Variants in EPHA6 observed in about 807,000 individuals in gnomAD.
EPHA6 encodes the protein EPH receptor A6.
Under a neutral mutation model 112.0 loss-of-function variants are expected in EPHA6, and 50 were observed. The observed-to-expected ratio is 0.45, with a 90% CI of 0.36 to 0.56. The LOEUF (loss-of-function observed/expected upper bound fraction) is 0.56, where lower values mean the gene tolerates loss of function less well. Ranked by LOEUF, EPHA6 falls within the 20% of genes least tolerant of loss-of-function variation. The probability of loss-of-function intolerance (pLI) is 0.00; values close to 1 mark genes in which losing one functional copy is unlikely to be tolerated. For missense variants in EPHA6, 1,280 were observed against 1,417.4 expected, an observed-to-expected ratio of 0.90 and a Z score of 1.56; for synonymous variants, 529 against 490.7, an observed-to-expected ratio of 1.08 and a Z score of -1.03.
At chr3:97,133,490 CACAA>C (rs765807007) in intron 3 of EPHA6, among the ~76,000 whole-genome samples, 3 of 151,876 alleles carry the variant, frequency 2.0e-5, no homozygotes, top group African/African-American at 7.2e-5. Flanking sequence ...GTACAGTTGA[CACAA>C]ACATTTAGAA....
At chr3:97,275,811 C>T (rs918682733) in intron 5 of EPHA6, among the ~76,000 whole-genome samples, 2 of 151,488 alleles carry the variant, frequency 1.3e-5, no homozygotes, top group Non-Finnish European at 2.9e-5. Flanking sequence ...GTAGAGGTAT[C>T]CCATACTGGT....
intron 3 of EPHA6, among the ~76,000 whole-genome samples, chr3:97,067,864 C>T (rs2046227396): frequency 6.6e-6 from 1 of 151,850 alleles, no homozygotes; most frequent in Non-Finnish European, 1.5e-5. Flanking sequence ...AGGGATAGGC[C>T]AGGCATGGTG....
rs913465594 is a variant in EPHA6, at chr3:97,720,243, C to T, written c.2785-18C>T. The T allele has an allele frequency of 6.4e-7, 1 of 1,555,650 alleles. No individual in the cohort carries two copies. The highest frequency in any genetic ancestry group is 8.7e-7 in the Non-Finnish European group (1 of 1,154,542). On this transcript the variant is annotated intron_variant, in intron 14 of 17. Coordinates refer to ENST00000389672, the MANE Select transcript of EPHA6 (RefSeq NM_001080448.3). ...TACAACGATAAGCCAGCTAAGAAATCTCCAATTTGTTTTCCAGGGTGGAAA... is the reference window on the plus strand; with the variant it reads ...TACAACGATAAGCCAGCTAAGAAATTTCCAATTTGTTTTCCAGGGTGGAAA...
At chr3:96,844,595 G>T (rs545735502) in intron 1 of EPHA6, among the ~76,000 whole-genome samples, 28 of 151,946 alleles carry the variant, frequency 1.8e-4, no homozygotes, top group Non-Finnish European at 3.7e-4. Flanking sequence ...TAGTATAGAC[G>T]TGTAGCATGG....
chr3:97,070,634 G>A (rs2046321928), intron 3 of EPHA6, among the ~76,000 whole-genome samples: 2 of 152,078 alleles, frequency 1.3e-5, no homozygotes, highest in South Asian at 2.1e-4. Flanking sequence ...TAAATAACTT[G>A]TACACATTCA....
intron 5 of EPHA6, among the ~76,000 whole-genome samples, chr3:97,375,377 C>T (rs775865295): frequency 4.6e-5 from 7 of 152,204 alleles, no homozygotes; most frequent in Non-Finnish European, 8.8e-5. Flanking sequence ...GTTTTAAACT[C>T]TGTAACTAAA....
Position 97,759,764 on chromosome 3 carries a change from C to T in EPHA6, c.*11063C>T, listed in dbSNP as rs761274544. 8 of 224,710 alleles carry T rather than the reference C, an allele frequency of 3.6e-5. No homozygotes were observed. The highest frequency in any genetic ancestry group is 7.1e-5 in the Non-Finnish European group (8 of 113,112). The allele number at this position is 224,710 out of a possible 1,614,324, so 13.9% of individuals were successfully genotyped here. ...AAGCCAATATGCAGGATGGGAAGGA[C>T]GTATAGGTTGGAAGAGACATATGTA... On this transcript the variant is annotated 3_prime_UTR_variant, in exon 18 of 18. Transcript: ENST00000389672.
Position 96,930,758 on chromosome 3 carries a change from G to A in EPHA6, c.451-56572G>A, listed in dbSNP as rs138368654. ...TGTAATCCCGGAACTTTGGGAGGCT[G>A]AGGTGGGCAGATCACCTAAGGTCAG... On this transcript the variant is annotated intron_variant, in intron 2 of 17. Coordinates refer to ENST00000389672, the MANE Select transcript of EPHA6 (RefSeq NM_001080448.3). Among the ~76,000 whole-genome samples the A allele has an allele frequency of 2.4e-4, 37 of 152,118 alleles. 1 individual carries two copies. The highest frequency in any genetic ancestry group is 6.3e-4 in the African/African-American group (26 of 41,504).
chr3:97,457,889 AC>A (rs58338731), intron 7 of EPHA6, among the ~76,000 whole-genome samples: 10 of 151,246 alleles, frequency 6.6e-5, no homozygotes, highest in African/African-American at 2.2e-4. Flanking sequence ...ACATGGTGAA[AC>A]CCCCCTCTCT....
chr3:97,175,381 G>A (rs2076809047), intron 3 of EPHA6, among the ~76,000 whole-genome samples: 1 of 151,710 alleles, frequency 6.6e-6, no homozygotes, highest in Admixed American at 6.6e-5. Flanking sequence ...GATTTTCTGG[G>A]TCTTTTGAGA....
At chr3:97,527,828 A>G (rs901129331) in intron 10 of EPHA6, among the ~76,000 whole-genome samples, 6 of 152,124 alleles carry the variant, frequency 3.9e-5, no homozygotes, top group Non-Finnish European at 8.8e-5. Context: ...CTTCTCAGTG[A>G]TGAAGAAGAA....
intron 5 of EPHA6, among the ~76,000 whole-genome samples, chr3:97,352,372 A>G (rs1399045715): frequency 6.6e-6 from 1 of 152,204 alleles, no homozygotes; most frequent in African/African-American, 2.4e-5. Flanking sequence ...TTTTAACATC[A>G]CATCAAGGAA....
At chr3:96,985,028 C>T (rs2042964424) in intron 2 of EPHA6, among the ~76,000 whole-genome samples, 1 of 152,164 alleles carries the variant, frequency 6.6e-6, no homozygotes, top group African/African-American at 2.4e-5. Flanking sequence ...CCTGCTTTGG[C>T]TCACACTCAG....
chr3:97,180,697 T>C (rs1435195308), intron 3 of EPHA6, among the ~76,000 whole-genome samples: 4 of 152,092 alleles, frequency 2.6e-5, no homozygotes, highest in African/African-American at 9.7e-5. Context: ...ACTGATGCCC[T>C]ATCCTGCTAT....
chr3:97,288,261 C>T (rs2080544744), intron 5 of EPHA6, among the ~76,000 whole-genome samples: 1 of 152,024 alleles, frequency 6.6e-6, no homozygotes. Context: ...GTAGTAGTCC[C>T]ATGTCCTTTG....
At chr3:97,612,868 A>G (rs1396757923) in intron 13 of EPHA6, among the ~76,000 whole-genome samples, 3 of 152,104 alleles carry the variant, frequency 2.0e-5, no homozygotes, top group Non-Finnish European at 4.4e-5. Flanking sequence ...AGCTTGCAGA[A>G]TAGTGCCTGA....
chr3:97,571,029 A>C (rs1252530980), intron 11 of EPHA6, among the ~76,000 whole-genome samples: 1 of 152,194 alleles, frequency 6.6e-6, no homozygotes, highest in Non-Finnish European at 1.5e-5. Flanking sequence ...AGTTCACATT[A>C]AGAGTCAGGA....
rs147094760 is a variant in EPHA6, at chr3:97,514,712, G to A, written c.2201-17646G>A. Among the ~76,000 whole-genome samples the A allele has an allele frequency of 1.2e-4, 18 of 152,258 alleles. No individual in the cohort carries two copies. The East Asian group carries it at 3.5e-3, about 29-fold the overall frequency. ...AGTTAACTGAGATCCTAAGGGTATGGTCCTAATCTGGTGATAGGATTGTTA... is the reference window on the plus strand; with the variant it reads ...AGTTAACTGAGATCCTAAGGGTATGATCCTAATCTGGTGATAGGATTGTTA... On this transcript the variant is annotated intron_variant, in intron 10 of 17. Transcript: ENST00000389672.
chr3:97,514,900 T>C (rs2092423670), intron 10 of EPHA6, among the ~76,000 whole-genome samples: 1 of 152,120 alleles, frequency 6.6e-6, no homozygotes, highest in African/African-American at 2.4e-5. Flanking sequence ...TTCCCAATCA[T>C]CGGAACCTTG....
Sources: gnomAD v4.1 joint callset for allele counts (sites outside exome capture counted in the v4.1 genomes callset) on GRCh38, gnomAD v4.1.1 for gene constraint, MANE v1.5 for transcripts, NCBI Gene and HGNC (gene_info 2026-07-23, HGNC 2026-07-21) for gene names.